AXL: variants seen among roughly 807,000 people sequenced by gnomAD.
AXL encodes AXL receptor tyrosine kinase, also known as tyrosine-protein kinase receptor UFO.
AXL carries 52 observed loss-of-function variants against 104.5 expected under a neutral mutation model. The ratio of observed to expected loss-of-function variants is 0.50; its 90% CI spans 0.40 to 0.63. AXL has a LOEUF of 0.63. AXL is among the 20% of genes least tolerant of loss of function. AXL has a pLI of 0.00. For missense variants in AXL, 1,024 were observed against 1,188.5 expected (o/e 0.86, Z 2.04); for synonymous variants, 455 against 473.7 (o/e 0.96, Z 0.51).
intron 6 of AXL, among the ~76,000 whole-genome samples, chr19:41,232,999 T>C (rs1312120434): frequency 6.6e-6 from 1 of 151,206 alleles, no homozygotes; most frequent in Non-Finnish European, 1.5e-5. Flanking sequence ...TTTCTTTTCT[T>C]TTTTTTTTGA....
At chr19:41,224,467 G>A (rs1454685573) in intron 4 of AXL, among the ~76,000 whole-genome samples, 1 of 151,898 alleles carries the variant, frequency 6.6e-6, no homozygotes, top group Non-Finnish European at 1.5e-5. Context: ...CCACCTCCTG[G>A]GCTCAAGCAA....
intron 18 of AXL, 77 bp downstream of exon 18, chr19:41,256,688 G>C (rs2034458154): frequency 6.4e-7 from 1 of 1,568,562 alleles, no homozygotes; most frequent in Non-Finnish European, 8.7e-7. Flanking sequence ...CTGGGTGGCT[G>C]TGGATGCAAG....
At chr19:41,253,279 A>G (rs890163252) in intron 16 of AXL, among the ~76,000 whole-genome samples, 2 of 151,986 alleles carry the variant, frequency 1.3e-5, no homozygotes, top group Non-Finnish European at 2.9e-5. Flanking sequence ...ATGTCTGGAG[A>G]TCTGGGCAGG....
rs2033785993 is a variant in AXL, at chr19:41,221,258, G to A, written c.409+12G>A. On this transcript the variant is annotated intron_variant, in intron 3 of 19. Transcript: ENST00000301178. Reference sequence around the variant, plus strand: ...TGTTGGGCTGGAGGGTGAGCTCTGGGGTCAGGGGTCCTGAGGGGTCAGAGG... The same window carrying A: ...TGTTGGGCTGGAGGGTGAGCTCTGGAGTCAGGGGTCCTGAGGGGTCAGAGG... 1 of 1,611,502 alleles carries A rather than the reference G, an allele frequency of 6.2e-7. No homozygotes were observed. The highest frequency in any genetic ancestry group is 2.2e-5 in the East Asian group (1 of 44,852).
At position 41,231,199 on chromosome 19, in the gene AXL, C is replaced by T; in HGVS notation, c.684C>T (p.Pro228=). 1.2e-6 allele frequency: 2 copies of T among 1,613,386 alleles called. No individual in the cohort carries two copies. Among genetic ancestry groups the T allele is most frequent in the Non-Finnish European group, 1.7e-6 (2 of 1,179,630 alleles). Residue 228 remains proline, a synonymous_variant, in exon 6 of 20, where the codon CCC becomes CCT. Transcript: ENST00000301178. ...TATITVLPQQ[P]RNLHLVSRQP... ...TGTCCACAGTGCTCCCCCAGCAGCC[C>T]CGTAACCTCCACCTGGTCTCCCGCC...
intron 7 of AXL, 65 bp downstream of exon 7, chr19:41,238,219 C>G (rs1599733479): frequency 6.5e-7 from 1 of 1,548,254 alleles, no homozygotes; most frequent in Non-Finnish European, 8.9e-7. Flanking sequence ...ATCAGTGCCA[C>G]CCCCATTGTC....
At chr19:41,226,355 C>A (rs551436894) in intron 4 of AXL, among the ~76,000 whole-genome samples, 145 of 152,312 alleles carry the variant, frequency 9.5e-4, no homozygotes, top group African/African-American at 3.0e-3. Context: ...TCCCCGCCCC[C>A]ACTCGGGCCG....
At chr19:41,223,707 C>G (rs539035535) in intron 4 of AXL, among the ~76,000 whole-genome samples, 1 of 152,228 alleles carries the variant, frequency 6.6e-6, no homozygotes, top group East Asian at 1.9e-4. Context: ...AGGAGTGACT[C>G]AGGCCCATGG....
intron 13 of AXL, 56 bp from the exon 14 acceptor site, chr19:41,248,687 G>C (rs2034310948): frequency 6.2e-7 from 1 of 1,612,278 alleles, no homozygotes; most frequent in Non-Finnish European, 8.5e-7. Flanking sequence ...CCAACTATAG[G>C]AAATACAGTC....
chr19:41,219,963 G>C (rs889931993), intron 1 of AXL, among the ~76,000 whole-genome samples: 11 of 151,690 alleles, frequency 7.3e-5, no homozygotes, highest in Non-Finnish European at 1.5e-5. Flanking sequence ...TGGGGAGGAG[G>C]CTCTCACTTT....
At chr19:41,220,883 CACT>C in intron 2 of AXL, 25 bp downstream of exon 2, 4 of 1,608,724 alleles carry the variant, frequency 2.5e-6, no homozygotes, top group Non-Finnish European at 3.4e-6. Flanking sequence ...CCCCGAATCC[CACT>C]CCCACCTCCG....
At chr19:41,244,103 C>CT (rs1333559721) in intron 12 of AXL, among the ~76,000 whole-genome samples, 1 of 151,810 alleles carries the variant, frequency 6.6e-6, no homozygotes, top group Non-Finnish European at 1.5e-5. Context: ...ACTCGGGAGG[C>CT]TGAGGTAGGA....
At chr19:41,229,210 T>C (rs12980248) in intron 4 of AXL, among the ~76,000 whole-genome samples, 78,252 of 151,784 alleles carry the variant, frequency 0.52, 21,113 homozygotes, top group African/African-American at 0.67. Flanking sequence ...CTCGGCCTCC[T>C]AAGGCTGGGA....
intron 6 of AXL, among the ~76,000 whole-genome samples, chr19:41,232,630 A>G (rs1357728515): frequency 1.3e-5 from 2 of 152,054 alleles, no homozygotes; most frequent in South Asian, 2.1e-4. Context: ...TCTCAAGAAA[A>G]AAAAAAAAAG....
At chr19:41,231,763 C>T (rs2033992989) in intron 6 of AXL, among the ~76,000 whole-genome samples, 1 of 151,866 alleles carries the variant, frequency 6.6e-6, no homozygotes, top group Admixed American at 6.6e-5. Context: ...CACATTTCTA[C>T]TAAAAATACA....
rs530798566 is a variant in AXL at position 41,252,256 on chromosome 19, G to GTGA, written c.1712-71_1712-69dup. 2,134 of 1,021,754 alleles carry GTGA rather than the reference G, an allele frequency of 2.1e-3. 18 individuals carry two copies. In the African/African-American group the frequency reaches 0.021, roughly 10 times the overall value. 63.3% of individuals were successfully genotyped at this position (1,021,754 alleles called of 1,614,324 possible). A position where few individuals can be genotyped will look rare whatever the true frequency, so the allele number is the denominator to read the frequency against. On this transcript the variant is annotated intron_variant, in intron 14 of 19. Coordinates refer to ENST00000301178, the MANE Select transcript of AXL (RefSeq NM_021913.5). ...TACTAATCATGTTTGATGAAGATGA[G>GTGA]TGATGATGATGATGATGATGATGAT... is the stretch of plus-strand genomic sequence containing the variant.
chr19:41,235,089 G>A (rs752858284), intron 6 of AXL, among the ~76,000 whole-genome samples: 2 of 152,084 alleles, frequency 1.3e-5, no homozygotes, highest in Admixed American at 1.3e-4. Context: ...ACGGTGGCTC[G>A]TGCCTGTGAT....
intron 5 of AXL, 24 bp downstream of exon 5, chr19:41,231,071 G>C: frequency 6.2e-7 from 1 of 1,613,662 alleles, no homozygotes. Context: ...GAGGTGGGGA[G>C]CTGGGCGTCA....
intron 18 of AXL, 87 bp from the exon 19 acceptor site, chr19:41,257,406 A>C: frequency 1.3e-6 from 2 of 1,551,796 alleles, no homozygotes; most frequent in Non-Finnish European, 1.8e-6. Context: ...ACATGTGTAC[A>C]TAAGTGTGGG....
Sources: allele counts gnomAD v4.1 joint callset (sites outside exome capture counted in the v4.1 genomes callset), GRCh38; gene constraint gnomAD v4.1.1; transcripts MANE v1.5; gene names NCBI Gene and HGNC (gene_info 2026-07-23, HGNC 2026-07-21).